PCGF3: variants seen among roughly 807,000 people sequenced by gnomAD.
PCGF3 encodes the protein polycomb group RING finger protein 3.
A neutral mutation model predicts 33.1 loss-of-function variants in PCGF3; 7 were observed. The ratio of observed to expected loss-of-function variants is 0.21; its 90% CI spans 0.12 to 0.40. The LOEUF (loss-of-function observed/expected upper bound fraction) is 0.40. Among genes scored for constraint, PCGF3 ranks in the 10% least tolerant of loss-of-function variants. The probability of loss-of-function intolerance (pLI) is 1.00; values close to 1 mark genes in which losing one functional copy is unlikely to be tolerated. For synonymous variants in PCGF3, 153 were observed against 121.3 expected, an observed-to-expected ratio of 1.26 and a Z score of -1.72; for missense variants, 211 against 313.3, an observed-to-expected ratio of 0.67 and a Z score of 2.46.
intron 1 of PCGF3, among the ~76,000 whole-genome samples, chr4:722,653 C>T (rs1356791776): frequency 7.7e-6 from 1 of 129,514 alleles, no homozygotes; most frequent in Non-Finnish European, 1.6e-5. Flanking sequence ...GGTCCACACT[C>T]GCGTCATCAC....
chr4:766,704 G>C (rs1229436119), exon 11 of PCGF3: 2 of 152,172 alleles, frequency 1.3e-5, no homozygotes, highest in Admixed American at 6.5e-5. Context: ...CTTTCATTGT[G>C]TGAGGTCGGC....
At chr4:737,164 C>G (rs1318493788) in intron 5 of PCGF3, among the ~76,000 whole-genome samples, 2 of 151,728 alleles carry the variant, frequency 1.3e-5, no homozygotes, top group Non-Finnish European at 2.9e-5. Context: ...GGACGGTGTC[C>G]CCTGAGCGCA....
chr4:722,247 C>A, intron 1 of PCGF3: 1 of 164,500 alleles, frequency 6.1e-6, no homozygotes, highest in Non-Finnish European at 1.3e-5. Flanking sequence ...ATACTGAATA[C>A]GTGTGTATGT....
At chr4:717,958 G>A (rs1742925713) in intron 1 of PCGF3, among the ~76,000 whole-genome samples, 1 of 152,232 alleles carries the variant, frequency 6.6e-6, no homozygotes, top group African/African-American at 2.4e-5. Context: ...TCCCGTGGGT[G>A]CTGCGTTGAG....
At chr4:716,144 C>T in intron 1 of PCGF3, among the ~76,000 whole-genome samples, 1 of 122,612 alleles carries the variant, frequency 8.2e-6, no homozygotes, top group East Asian at 2.6e-4. Flanking sequence ...TGCTGGGACC[C>T]TGTAGACACT....
At chr4:733,349 G>A (rs1256267754) in intron 3 of PCGF3, among the ~76,000 whole-genome samples, 2 of 152,252 alleles carry the variant, frequency 1.3e-5, no homozygotes, top group Non-Finnish European at 2.9e-5. Flanking sequence ...CAGACAGCTC[G>A]GGGATCCTGC....
chr4:749,592 T>C (rs555237409), intron 8 of PCGF3, among the ~76,000 whole-genome samples: 1 of 146,054 alleles, frequency 6.8e-6, no homozygotes, highest in East Asian at 2.1e-4. Context: ...GTTCAAGCGA[T>C]TCTCCTGCTT....
exon 11 of PCGF3, chr4:768,048 A>C: frequency 6.5e-6 from 1 of 152,710 alleles, no homozygotes; most frequent in Non-Finnish European, 1.5e-5. Context: ...TCATTGTAAT[A>C]ATCTCATAAT....
At chr4:756,404 G>T (rs930471341) in intron 8 of PCGF3, among the ~76,000 whole-genome samples, 14 of 151,190 alleles carry the variant, frequency 9.3e-5, no homozygotes, top group Non-Finnish European at 1.2e-4. Context: ...TTACAGACGG[G>T]GTTTCACTAT....
At chr4:733,823 G>A (rs368411296) in intron 4 of PCGF3, 34 bp downstream of exon 4, 380 of 1,613,504 alleles carry the variant, frequency 2.4e-4, no homozygotes, top group Non-Finnish European at 3.1e-4. Context: ...CAGGGAGGGC[G>A]CGCCCTTCCC....
At position 720,926 on chromosome 4, in the gene PCGF3, G is replaced by A. The variant is rs1303753891; in HGVS notation, c.-189-9704G>A. 6.6e-6 allele frequency among the ~76,000 whole-genome samples: 1 copy of A among 152,178 alleles called. No individual in the cohort carries two copies. The highest frequency in any genetic ancestry group is 2.1e-4 in the South Asian group (1 of 4,830). On this transcript the variant is annotated intron_variant, in intron 1 of 10. Coordinates refer to ENST00000362003, the Ensembl canonical transcript of PCGF3. This position sits in a 1 kb window ranked among gnomAD's most constrained non-coding sequence, Gnocchi z 5.6. Reference sequence around the variant, plus strand: ...GGCGGCTTGGAGAAGCCTGTCCTGGGCGGGTTTCACCACTTGGACGGGAGC... The same window carrying A: ...GGCGGCTTGGAGAAGCCTGTCCTGGACGGGTTTCACCACTTGGACGGGAGC...
intron 8 of PCGF3, among the ~76,000 whole-genome samples, chr4:755,504 C>T (rs1371254653): frequency 1.3e-5 from 2 of 152,186 alleles, no homozygotes; most frequent in East Asian, 1.9e-4. Context: ...CTGCGGCTGT[C>T]GGCTTTCTTC....
rs1361759083 is a variant in PCGF3, at chr4:721,291, T to C, written c.-189-9339T>C. Among the ~76,000 whole-genome samples, 2 of 152,152 alleles carry C rather than the reference T, an allele frequency of 1.3e-5. No individual in the cohort carries two copies. Among genetic ancestry groups the C allele is most frequent in the African/African-American group, 4.8e-5 (2 of 41,430 alleles). ...TCTCAGGAGCTGTTTTCTGGAAAGT[T>C]CCATAACTCAGCAAAACTGACTCAC... On this transcript the variant is annotated intron_variant, in intron 1 of 10. Transcript: ENST00000362003. The surrounding 1 kb of genome is among the most constrained non-coding windows in gnomAD (Gnocchi z 4.1).
Position 765,037 on chromosome 4 carries a change from C to T in PCGF3, c.654C>T (p.Phe218=), listed in dbSNP as rs200620611. The T allele has an allele frequency of 3.6e-4, 576 of 1,613,446 alleles. 1 individual carries two copies. In the East Asian group the frequency reaches 0.01, roughly 28 times the overall value. Reference sequence around the variant, plus strand: ...TGGGCAAGGACCACACACTCAAGTTCGTGGTTGTCACTAGGTGGAGATTCA... The same window carrying T: ...TGGGCAAGGACCACACACTCAAGTTTGTGGTTGTCACTAGGTGGAGATTCA... The change falls in exon 10 of 11, where the codon TTC becomes TTT. Residue 218 remains phenylalanine, a synonymous_variant. Coordinates refer to ENST00000362003, the Ensembl canonical transcript of PCGF3.
At position 761,252 on chromosome 4, in the gene PCGF3, C is replaced by T. The variant is rs752949793; in HGVS notation, c.463-27C>T. 80 of 1,548,852 alleles carry T rather than the reference C, an allele frequency of 5.2e-5. 1 individual carries two copies. In the Admixed American group the frequency reaches 1.3e-3, roughly 24 times the overall value. On this transcript the variant is annotated intron_variant, in intron 8 of 10. Transcript: ENST00000362003. ...ACCGTCCGGGGGAACCCTCCTGCTG[C>T]GCTCTCACCAGCGTCCTTTCCCGCA... is the stretch of plus-strand genomic sequence containing the variant.
intron 9 of PCGF3, among the ~76,000 whole-genome samples, chr4:763,934 A>G (rs1745210458): frequency 6.6e-6 from 1 of 152,270 alleles, no homozygotes; most frequent in Non-Finnish European, 1.5e-5. Flanking sequence ...AGTCCCTGTT[A>G]CTAAGTAGAG....
intron 6 of PCGF3, among the ~76,000 whole-genome samples, chr4:741,945 CCT>C (rs1347842336): frequency 1.8e-4 from 27 of 152,254 alleles, no homozygotes; most frequent in Admixed American, 9.8e-4. Flanking sequence ...GCTGTCAGCC[CCT>C]GTCTTGCAGG....
chr4:755,761 C>G (rs1286863838), intron 8 of PCGF3, among the ~76,000 whole-genome samples: 1 of 152,184 alleles, frequency 6.6e-6, no homozygotes, highest in Non-Finnish European at 1.5e-5. Context: ...CCTGGGCTCT[C>G]TGCTCTGTTC....
rs1429471637 is a variant in PCGF3, at chr4:761,261, C to T, written c.463-18C>T. On this transcript the variant is annotated intron_variant, in intron 8 of 10. Coordinates refer to ENST00000362003, the Ensembl canonical transcript of PCGF3. ...GGGAACCCTCCTGCTGCGCTCTCAC[C>T]AGCGTCCTTTCCCGCAGGTGAGCAT... 4 of 1,568,014 alleles carry T rather than the reference C, an allele frequency of 2.6e-6. No homozygotes were observed. Among genetic ancestry groups the T allele is most frequent in the Non-Finnish European group, 3.5e-6 (4 of 1,153,364 alleles).
Sources: gnomAD v4.1 joint callset for allele counts (sites outside exome capture counted in the v4.1 genomes callset) on GRCh38, gnomAD v4.1.1 for gene constraint, Gnocchi (gnomAD v3.1) non-coding constraint, MANE v1.5 for transcripts, NCBI Gene and HGNC (gene_info 2026-07-23, HGNC 2026-07-21) for gene names.